The following MTUS2 variants were observed in gnomAD, a reference collection of about 807,000 sequenced individuals.
MTUS2 encodes microtubule associated scaffold protein 2, also known as microtubule-associated tumor suppressor candidate 2.
Under a neutral mutation model 114.1 loss-of-function variants are expected in MTUS2, and 40 were observed. The ratio of observed to expected loss-of-function variants is 0.35; its 90% CI spans 0.27 to 0.46. MTUS2 has a LOEUF of 0.46. Ranked by LOEUF, MTUS2 falls within the 20% of genes least tolerant of loss-of-function variation. The pLI is 1.00. For synonymous variants in MTUS2, 688 were observed against 672.0 expected (o/e 1.02, Z -0.37); for missense variants, 1,679 against 1,705.4 (o/e 0.98, Z 0.27).
At chr13:29,099,434 C>A (rs78999022) in intron 4 of MTUS2, among the ~76,000 whole-genome samples, 2 of 152,142 alleles carry the variant, frequency 1.3e-5, no homozygotes, top group African/African-American at 4.8e-5. Flanking sequence ...GCCTCACTTT[C>A]GGGGGAGCTG....
At chr13:29,013,042 C>G (rs1566291867) in intron 2 of MTUS2, among the ~76,000 whole-genome samples, 1 of 152,156 alleles carries the variant, frequency 6.6e-6, no homozygotes, top group Non-Finnish European at 1.5e-5. Context: ...GCACTGTTGC[C>G]TACTCCTGTG....
At chr13:29,175,929 C>G (rs1192751364) in intron 5 of MTUS2, among the ~76,000 whole-genome samples, 2 of 151,998 alleles carry the variant, frequency 1.3e-5, no homozygotes, top group Non-Finnish European at 2.9e-5. Context: ...GGAGTGAGCT[C>G]AACAGCCATA....
chr13:29,096,426 C>T (rs1360585797), intron 4 of MTUS2, among the ~76,000 whole-genome samples: 2 of 152,196 alleles, frequency 1.3e-5, no homozygotes, highest in East Asian at 1.9e-4. Context: ...ATTCAAGCTC[C>T]TTTTCAAGGG....
chr13:29,207,540 G>A (rs1272742432), intron 5 of MTUS2, among the ~76,000 whole-genome samples: 4 of 152,184 alleles, frequency 2.6e-5, no homozygotes, highest in African/African-American at 9.7e-5. Context: ...TCCCCATTCA[G>A]TATAATGTTG....
chr13:28,976,341 ACAGT>A (rs1272560273), intron 2 of MTUS2, among the ~76,000 whole-genome samples: 1 of 152,196 alleles, frequency 6.6e-6, no homozygotes, highest in African/African-American at 2.4e-5. Context: ...AGAACTGCAA[ACAGT>A]TTGATATTAC....
intron 4 of MTUS2, among the ~76,000 whole-genome samples, chr13:29,075,103 A>G: frequency 6.6e-6 from 1 of 152,180 alleles, no homozygotes; most frequent in East Asian, 1.9e-4. Context: ...GAGTTATACA[A>G]TCTGTGTGAC....
At chr13:29,332,233 C>T (rs1900815686) in intron 7 of MTUS2, among the ~76,000 whole-genome samples, 1 of 152,084 alleles carries the variant, frequency 6.6e-6, no homozygotes, top group African/African-American at 2.4e-5. Context: ...GCCTCAATTT[C>T]AGAACTTGTT....
intron 7 of MTUS2, among the ~76,000 whole-genome samples, chr13:29,347,177 G>A (rs140247573): frequency 1.3e-5 from 2 of 152,280 alleles, no homozygotes; most frequent in African/African-American, 2.4e-5. Context: ...CCTGCCTCCT[G>A]TCTGCCATTT....
Position 29,471,359 on chromosome 13 carries a change from A to AT in MTUS2, c.3185-8791_3185-8790insT, listed in dbSNP as rs1258323182. On this transcript the variant is annotated intron_variant, in intron 9 of 15. Coordinates refer to ENST00000612955, the MANE Select transcript of MTUS2 (RefSeq NM_001033602.4). ...CTCAAAAATAATAATAATAATAATA[A>AT]AATAAAATGAAATTTTGCTTCCTAC... Among the ~76,000 whole-genome samples, 12 of 152,100 alleles carry AT rather than the reference A, an allele frequency of 7.9e-5. No individual in the cohort carries two copies. In the South Asian group the frequency reaches 1.0e-3, roughly 13 times the overall value.
At chr13:29,349,934 A>C (rs374052849) in intron 7 of MTUS2, among the ~76,000 whole-genome samples, 62 of 152,146 alleles carry the variant, frequency 4.1e-4, no homozygotes, top group Non-Finnish European at 8.2e-4. Context: ...TGTTTTGTCC[A>C]TTGTTTCTTC....
At chr13:29,226,799 A>G (rs570607731) in intron 5 of MTUS2, among the ~76,000 whole-genome samples, 94 of 152,358 alleles carry the variant, frequency 6.2e-4, no homozygotes, top group Middle Eastern at 3.4e-3. Context: ...ATAGCCATAC[A>G]TGTAAGCTTT....
intron 5 of MTUS2, among the ~76,000 whole-genome samples, chr13:29,112,371 T>C (rs1444512883): frequency 6.6e-6 from 1 of 152,136 alleles, no homozygotes; most frequent in Non-Finnish European, 1.5e-5. Flanking sequence ...GGTCAAGCCA[T>C]CTGTGCTGTG....
chr13:28,842,008 A>G (rs991056709), intron 2 of MTUS2, among the ~76,000 whole-genome samples: 1 of 152,070 alleles, frequency 6.6e-6, no homozygotes. Flanking sequence ...TTATTGTATC[A>G]TTTACCCCCT....
chr13:28,968,694 G>C (rs1883714193), intron 2 of MTUS2, among the ~76,000 whole-genome samples: 2 of 152,072 alleles, frequency 1.3e-5, no homozygotes, highest in Non-Finnish European at 2.9e-5. Context: ...TACAGAGCCT[G>C]CTCACTTTTA....
At chr13:29,195,441 A>G (rs1894647210) in intron 5 of MTUS2, among the ~76,000 whole-genome samples, 1 of 146,944 alleles carries the variant, frequency 6.8e-6, no homozygotes, top group Non-Finnish European at 1.5e-5. Flanking sequence ...TTTCGTAGTT[A>G]TGTGTTTTTG....
At chr13:28,919,351 G>A (rs1566223420) in intron 2 of MTUS2, among the ~76,000 whole-genome samples, 1 of 151,964 alleles carries the variant, frequency 6.6e-6, no homozygotes. Flanking sequence ...TACTATTGTA[G>A]GGTAAAAGTT....
chr13:29,503,398 A>G lies in MTUS2; in HGVS notation c.*192A>G, dbSNP rs1283428451. 4 of 625,132 alleles carry G rather than the reference A, an allele frequency of 6.4e-6. No individual in the cohort carries two copies. Among genetic ancestry groups the G allele is most frequent in the Non-Finnish European group, 8.4e-6 (3 of 359,118 alleles). 38.7% of individuals were successfully genotyped at this position (625,132 alleles called of 1,614,324 possible). On this transcript the variant is annotated 3_prime_UTR_variant, in exon 16 of 16. Transcript: ENST00000612955. ...CGGCACTTAGGAATGTGTAAATGGT[A>G]AAGTCTGATGTGCAAACGTTTTACC...
chr13:29,360,688 A>AACCC (rs1870153205), intron 8 of MTUS2, among the ~76,000 whole-genome samples: 13 of 87,154 alleles, frequency 1.5e-4, no homozygotes, highest in East Asian at 3.9e-4. Flanking sequence ...GTAGCCGAAC[A>AACCC]CCCCCCCCCC....
At chr13:29,343,569 T>C in intron 7 of MTUS2, among the ~76,000 whole-genome samples, 1 of 152,100 alleles carries the variant, frequency 6.6e-6, no homozygotes, top group Non-Finnish European at 1.5e-5. Flanking sequence ...ATCTTGCTAA[T>C]GGTCTATCAA....
Sources: allele counts gnomAD v4.1 joint callset (sites outside exome capture counted in the v4.1 genomes callset), GRCh38; gene constraint gnomAD v4.1.1; transcripts MANE v1.5; gene names NCBI Gene and HGNC (gene_info 2026-07-23, HGNC 2026-07-21).